The following SLTM variants were observed in gnomAD, a reference collection of about 807,000 sequenced individuals.
The protein encoded by SLTM is SAFB like transcription modulator.
Under a neutral mutation model 134.6 loss-of-function variants are expected in SLTM, and 43 were observed. The ratio of observed to expected loss-of-function variants is 0.32; its 90% CI spans 0.25 to 0.41. The LOEUF is 0.41. Among genes scored for constraint, SLTM ranks in the 10% least tolerant of loss-of-function variants. SLTM has a pLI of 1.00. For missense variants in SLTM, 1,055 were observed against 1,288.8 expected, an observed-to-expected ratio of 0.82 and a Z score of 2.78; for synonymous variants, 424 against 432.3, an observed-to-expected ratio of 0.98 and a Z score of 0.24.
intron 19 of SLTM, among the ~76,000 whole-genome samples, chr15:58,884,549 C>A (rs550017413): frequency 6.6e-6 from 1 of 152,264 alleles, no homozygotes; most frequent in South Asian, 2.1e-4. Flanking sequence ...GATCTCTTGA[C>A]TTCATGATCC....
intron 2 of SLTM, among the ~76,000 whole-genome samples, chr15:58,927,199 T>C (rs1345837878): frequency 6.6e-6 from 1 of 152,324 alleles, no homozygotes; most frequent in East Asian, 1.9e-4. Flanking sequence ...CAAAGAAATA[T>C]GCAATTAAAA....
In SLTM at chr15:58,912,619, A is replaced by G. The variant is rs1452153791; in HGVS notation, c.514-9T>C. 1.3e-6 allele frequency: 2 copies of G among 1,595,362 alleles called. No homozygotes were observed. The highest frequency in any genetic ancestry group is 2.7e-5 in the African/African-American group (2 of 74,708). On this transcript the variant is annotated splice_polypyrimidine_tract_variant and intron_variant, in intron 4 of 20. Transcript: ENST00000380516. ...TCTTGAGCTTCAATTTCCTAAGTAA[A>G]AGGGTATACAATAGCTTTGCTTTAT...
At chr15:58,901,412 AC>A in intron 5 of SLTM, 125 bp from the exon 6 acceptor site, 1 of 718,284 alleles carries the variant, frequency 1.4e-6, no homozygotes, top group Non-Finnish European at 2.3e-6. Flanking sequence ...GATACCTAAC[AC>A]TAACAAATAA....
chr15:58,888,465 C>T lies in SLTM; in HGVS notation c.2295G>A (p.Gln765=), dbSNP rs143133942. Residue 765 remains glutamine (Q), a synonymous_variant, in exon 17 of 21, where the codon CAG becomes CAA. Coordinates refer to ENST00000380516, the MANE Select transcript of SLTM (RefSeq NM_024755.4). ...GGTGATCAAAGTCATTAAATCTGTT[C>T]TGTTGGCGAGAGTAGTCGGATCCAT... ...FGHGSDYSRQ[Q]NRFNDFDHRE... 3.7e-6 allele frequency: 6 copies of T among 1,613,976 alleles called. No homozygotes were observed. The highest frequency in any genetic ancestry group is 1.3e-5 in the African/African-American group (1 of 74,910).
intron 2 of SLTM, among the ~76,000 whole-genome samples, chr15:58,930,191 A>C (rs1595959235): frequency 6.7e-6 from 1 of 149,824 alleles, no homozygotes; most frequent in Non-Finnish European, 1.5e-5. Context: ...TGCAACCTCC[A>C]CCTCCTGGGT....
intron 6 of SLTM, chr15:58,900,843 A>G (rs994581039): frequency 2.3e-5 from 4 of 172,866 alleles, no homozygotes; most frequent in Non-Finnish European, 4.9e-5. Context: ...GCAAACACAA[A>G]GTCAGTCTCC....
chr15:58,933,623 C>G lies in SLTM; in HGVS notation c.-58G>C. On this transcript the variant is annotated 5_prime_UTR_variant, in exon 1 of 21. Transcript: ENST00000380516. ...GTGGGCTGCAGGGCGGCGGCAGCAG[C>G]GCCAACTTCCACCCAGGCCTCGGCG... is the stretch of plus-strand genomic sequence containing the variant. 6.8e-7 allele frequency: 1 copy of G among 1,462,800 alleles called. No homozygotes were observed. The highest frequency in any genetic ancestry group is 9.0e-7 in the Non-Finnish European group (1 of 1,107,642). 90.6% of individuals were successfully genotyped at this position (1,462,800 alleles called of 1,614,324 possible).
chr15:58,912,122 C>G (rs563244731), intron 5 of SLTM, among the ~76,000 whole-genome samples: 4 of 141,930 alleles, frequency 2.8e-5, no homozygotes, highest in South Asian at 4.4e-4. Context: ...TTTTTTGAGA[C>G]AGAGTCTCAC....
At chr15:58,914,118 G>C (rs1335824287) in intron 3 of SLTM, among the ~76,000 whole-genome samples, 1 of 152,190 alleles carries the variant, frequency 6.6e-6, no homozygotes, top group Non-Finnish European at 1.5e-5. Flanking sequence ...CCCAACTGCT[G>C]CATCAATGTC....
At chr15:58,911,690 T>TATAG (rs746650029) in intron 5 of SLTM, among the ~76,000 whole-genome samples, 4 of 152,230 alleles carry the variant, frequency 2.6e-5, no homozygotes, top group Non-Finnish European at 5.9e-5. Flanking sequence ...GAAACTGATC[T>TATAG]ATAGATGTCT....
chr15:58,903,284 C>T (rs1170533249), intron 5 of SLTM, among the ~76,000 whole-genome samples: 5 of 152,158 alleles, frequency 3.3e-5, no homozygotes, highest in African/African-American at 1.2e-4. Flanking sequence ...ATCCACCCAC[C>T]TCGGCCTCCC....
chr15:58,887,242 C>T lies in SLTM; in HGVS notation c.2674G>A (p.Asp892Asn). The T allele has an allele frequency of 6.2e-7, 1 of 1,613,874 alleles. No homozygotes were observed. The highest frequency in any genetic ancestry group is 8.5e-7 in the Non-Finnish European group (1 of 1,179,808). The change falls in exon 18 of 21, where the codon GAC (aspartate) becomes AAC (asparagine). Residue 892 changes from aspartate (D) to asparagine (N), a missense_variant. Physicochemically the swap from Asp to Asn is conservative, Grantham distance 23. Coordinates refer to ENST00000380516, the MANE Select transcript of SLTM (RefSeq NM_024755.4). ...CACAGCTACCTTGTTTCCCGTTTGT[C>T]AGTGGACATGCTTCCTTCACTTTTC... ...SWKSEGSMST[D>N]KRETRVERPE... is the part of the protein sequence containing the mutation.
rs2033509530 is a variant in SLTM, at chr15:58,879,277, G to A, written c.*722C>T. On this transcript the variant is annotated 3_prime_UTR_variant, in exon 21 of 21. Coordinates refer to ENST00000380516, the MANE Select transcript of SLTM (RefSeq NM_024755.4). ...AAAGTGCACTTACCTGCACAACTCGGTCTAAGAACCTTGTGAAACAAACCT... is the reference window on the plus strand; with the variant it reads ...AAAGTGCACTTACCTGCACAACTCGATCTAAGAACCTTGTGAAACAAACCT... 1 of 152,106 alleles carries A rather than the reference G, an allele frequency of 6.6e-6. No individual in the cohort carries two copies. Among genetic ancestry groups the A allele is most frequent in the Admixed American group, 6.6e-5 (1 of 15,264 alleles). 9.4% of individuals were successfully genotyped at this position (152,106 alleles called of 1,614,324 possible).
At chr15:58,909,675 G>A (rs1255095403) in intron 5 of SLTM, among the ~76,000 whole-genome samples, 3 of 152,218 alleles carry the variant, frequency 2.0e-5, no homozygotes, top group African/African-American at 7.2e-5. Flanking sequence ...CCTATGAGGT[G>A]GCTGTGTGTG....
intron 20 of SLTM, 88 bp from the exon 21 acceptor site, chr15:58,880,195 C>A: frequency 1.4e-6 from 2 of 1,476,886 alleles, no homozygotes; most frequent in South Asian, 2.7e-5. Flanking sequence ...GTACTTTATC[C>A]AAAATAAATC....
rs759082296 is a variant in SLTM, at chr15:58,894,204, C to T, written c.1378-11G>A. The T allele has an allele frequency of 5.7e-6, 9 of 1,574,822 alleles. No homozygotes were observed. The East Asian group carries it at 6.7e-5, about 12-fold the overall frequency. The stretch of plus-strand genomic sequence containing the variant: ...GGGATCACCTTTTACCTGAAAGGTT[C>T]GAACCAGAAAAACAATTTGTACATA... On this transcript the variant is annotated splice_polypyrimidine_tract_variant and intron_variant, in intron 10 of 20. Transcript: ENST00000380516.
chr15:58,932,794 A>G (rs1254837609), intron 1 of SLTM, among the ~76,000 whole-genome samples: 1 of 152,240 alleles, frequency 6.6e-6, no homozygotes, highest in Non-Finnish European at 1.5e-5. Flanking sequence ...CTGTAATGCA[A>G]ACTTACTGCT....
At chr15:58,885,732 C>G (rs535331508) in intron 19 of SLTM, among the ~76,000 whole-genome samples, 1 of 151,932 alleles carries the variant, frequency 6.6e-6, no homozygotes, top group African/African-American at 2.4e-5. Context: ...TGCCGTGAGC[C>G]GAGATCGCAC....
rs537988097 is a variant in SLTM, at chr15:58,906,699, G to A, written c.562-5412C>T. On this transcript the variant is annotated intron_variant, in intron 5 of 20. Coordinates refer to ENST00000380516, the MANE Select transcript of SLTM (RefSeq NM_024755.4). ...ACTTTTAAACCACTACTTACCTATC[G>A]GGGAATATGCTAAACATCATGGGAA... Among the ~76,000 whole-genome samples, 12 of 152,226 alleles carry A rather than the reference G, an allele frequency of 7.9e-5. 1 individual carries two copies. The highest frequency in any genetic ancestry group is 4.1e-4 in the South Asian group (2 of 4,822).
Sources: gnomAD v4.1 joint callset for allele counts (sites outside exome capture counted in the v4.1 genomes callset) on GRCh38, gnomAD v4.1.1 for gene constraint, MANE v1.5 for transcripts, NCBI Gene and HGNC (gene_info 2026-07-23, HGNC 2026-07-21) for gene names.